The following NEK1 variants were observed in gnomAD, a reference collection of about 807,000 sequenced individuals.
The protein encoded by NEK1 is serine/threonine-protein kinase Nek1.
Under a neutral mutation model 182.1 loss-of-function variants are expected in NEK1, and 137 were observed. The observed-to-expected ratio is 0.75, with a 90% CI of 0.65 to 0.87. The LOEUF (loss-of-function observed/expected upper bound fraction) is 0.87. Among genes scored for constraint, NEK1 ranks in the 40% least tolerant of loss-of-function variants. The pLI is 0.00. For missense variants in NEK1, 1,391 were observed against 1,494.4 expected, an observed-to-expected ratio of 0.93 and a Z score of 1.14; for synonymous variants, 513 against 492.2, an observed-to-expected ratio of 1.04 and a Z score of -0.56.
intron 2 of NEK1, among the ~76,000 whole-genome samples, chr4:169,609,248 T>C (rs1296157312): frequency 1.3e-5 from 2 of 152,046 alleles, no homozygotes; most frequent in African/African-American, 4.8e-5. Flanking sequence ...AACAATATGG[T>C]GGGACTATAA....
intron 19 of NEK1, among the ~76,000 whole-genome samples, chr4:169,530,579 A>G (rs1014903527): frequency 6.6e-6 from 1 of 152,114 alleles, no homozygotes; most frequent in Non-Finnish European, 1.5e-5. Context: ...TACATTTTTG[A>G]CTAAATATTT....
intron 2 of NEK1, among the ~76,000 whole-genome samples, chr4:169,609,217 T>C (rs1771906871): frequency 6.6e-6 from 1 of 152,182 alleles, no homozygotes; most frequent in Non-Finnish European, 1.5e-5. Flanking sequence ...TATTGTACTG[T>C]ACTGTGGGGG....
intron 27 of NEK1, among the ~76,000 whole-genome samples, chr4:169,448,261 T>C (rs997852618): frequency 4.6e-5 from 7 of 151,982 alleles, no homozygotes; most frequent in African/African-American, 1.7e-4. Context: ...TGAGAGACAA[T>C]ACAGTAAGAT....
At chr4:169,491,162 A>AAAGAG (rs1554047307) in intron 23 of NEK1, among the ~76,000 whole-genome samples, 1,487 of 122,868 alleles carry the variant, frequency 0.012, 108 homozygotes, top group African/African-American at 0.03. Context: ...AAAAAAAAAA[A>AAAGAG]AGAGAGATGG....
intron 24 of NEK1, 35 bp from the exon 25 acceptor site, chr4:169,477,532 T>C (rs1747193433): frequency 2.1e-6 from 3 of 1,448,596 alleles, no homozygotes; most frequent in African/African-American, 1.4e-5. Context: ...GAAGAGATAA[T>C]TTTATTTTTT....
Position 169,438,245 on chromosome 4 carries a change from C to A in NEK1, c.2602G>T (p.Gly868Trp). 6.5e-7 allele frequency: 1 copy of A among 1,538,732 alleles called. No homozygotes were observed. The highest frequency in any genetic ancestry group is 8.8e-7 in the Non-Finnish European group (1 of 1,140,884). The change falls in exon 28 of 36, where the codon GGG (glycine) becomes TGG (tryptophan). Residue 868 changes from glycine to tryptophan, a missense_variant. Coordinates refer to ENST00000507142, the MANE Select transcript of NEK1 (RefSeq NM_001199397.3). ...TTIRSEISPEGEKYKPLITGE... is the reference protein window; with the variant it reads ...TTIRSEISPEWEKYKPLITGE... ...GTAATTAAGGGTTTGTACTTTTCCC[C>A]TTCGGGAGAAATCTCTGTGAAAACA...
rs560779616 is a variant in NEK1, at chr4:169,585,576, T to C, written c.607-27A>G. 3.1e-4 allele frequency: 440 copies of C among 1,436,876 alleles called. 6 individuals are homozygous for C. The South Asian group carries it at 4.7e-3, about 15-fold the overall frequency. 89.0% of individuals were successfully genotyped at this position (1,436,876 alleles called of 1,614,324 possible). Reference sequence around the variant, plus strand: ...TAAATTCCAGAAAATAAATAACATATAGGAAACATATATAAATTGAAACTG... The same window carrying C: ...TAAATTCCAGAAAATAAATAACATACAGGAAACATATATAAATTGAAACTG... On this transcript the variant is annotated intron_variant, in intron 9 of 35. Transcript: ENST00000507142.
chr4:169,437,292 C>T (rs1738590570), intron 28 of NEK1, among the ~76,000 whole-genome samples: 1 of 152,042 alleles, frequency 6.6e-6, no homozygotes, highest in African/African-American at 2.4e-5. Flanking sequence ...ATGAGAAAAC[C>T]CATCTGCACG....
rs907075428 is a variant in NEK1 at position 169,612,337 on chromosome 4, T to C, written c.-288A>G. 12 of 152,260 alleles carry C rather than the reference T, an allele frequency of 7.9e-5. No individual in the cohort carries two copies. Among genetic ancestry groups the C allele is most frequent in the African/African-American group, 2.9e-4 (12 of 41,448 alleles). 9.4% of individuals were successfully genotyped at this position (152,260 alleles called of 1,614,324 possible). On this transcript the variant is annotated 5_prime_UTR_variant, in exon 1 of 36. Transcript: ENST00000507142. The stretch of plus-strand genomic sequence containing the variant: ...CAAACAAACTGGTTTCTGAGCCCCG[T>C]AGAAACGGCGGGGTGCAGCAGGGGG...
chr4:169,448,438 C>T (rs1304594645), intron 27 of NEK1, among the ~76,000 whole-genome samples: 1 of 151,780 alleles, frequency 6.6e-6, no homozygotes, highest in Non-Finnish European at 1.5e-5. Context: ...AATAAAAAAT[C>T]ATACAACAGA....
intron 10 of NEK1, among the ~76,000 whole-genome samples, chr4:169,582,200 TC>T (rs1461568169): frequency 6.6e-6 from 1 of 152,046 alleles, no homozygotes. Flanking sequence ...GAGAGAATCT[TC>T]CTATATTAAC....
At chr4:169,433,475 T>C (rs780857743) in intron 29 of NEK1, 70 bp downstream of exon 29, 4 of 1,411,912 alleles carry the variant, frequency 2.8e-6, no homozygotes, top group Non-Finnish European at 3.9e-6. Context: ...ATTAGCTTAT[T>C]ATAGTATTTT....
chr4:169,513,560 C>A (rs1754548971), intron 19 of NEK1, among the ~76,000 whole-genome samples: 2 of 151,994 alleles, frequency 1.3e-5, no homozygotes, highest in Admixed American at 1.3e-4. Context: ...TCTGTATGCC[C>A]CTTCTTGCTT....
intron 23 of NEK1, among the ~76,000 whole-genome samples, chr4:169,500,168 C>T (rs552841934): frequency 4.8e-4 from 73 of 152,178 alleles, no homozygotes; most frequent in African/African-American, 1.4e-3. Flanking sequence ...TAGCAATGAG[C>T]GAGGCTCCGT....
chr4:169,561,825 A>C lies in NEK1; in HGVS notation c.1140+7T>G. On this transcript the variant is annotated splice_region_variant and intron_variant, in intron 14 of 35. Transcript: ENST00000507142. The stretch of plus-strand genomic sequence containing the variant: ...CCAAAGGTAGAAAAACAAGAGCAAA[A>C]AACTACCTGATCCTTTTGTTTCTTT... 6.2e-7 allele frequency: 1 copy of C among 1,610,100 alleles called. No homozygotes were observed. The highest frequency in any genetic ancestry group is 1.1e-5 in the South Asian group (1 of 89,712).
chr4:169,472,208 G>A (rs1055726595), intron 26 of NEK1, among the ~76,000 whole-genome samples: 4 of 152,080 alleles, frequency 2.6e-5, no homozygotes, highest in African/African-American at 9.7e-5. Flanking sequence ...CAGCCAGCTC[G>A]GTGTCTCCCC....
At position 169,496,585 on chromosome 4, in the gene NEK1, C is replaced by T. The variant is rs544471926; in HGVS notation, c.2007+10452G>A. Among the ~76,000 whole-genome samples, 4 of 150,662 alleles carry T rather than the reference C, an allele frequency of 2.7e-5. No homozygotes were observed. In the East Asian group the frequency reaches 7.7e-4, roughly 29 times the overall value. On this transcript the variant is annotated intron_variant, in intron 23 of 35. Coordinates refer to ENST00000507142, the MANE Select transcript of NEK1 (RefSeq NM_001199397.3). ...TATTTTGAGATACGTCCCATCAATA[C>T]ATAATTTATTGAGAGTTTTTAGCAT...
intron 12 of NEK1, among the ~76,000 whole-genome samples, chr4:169,570,872 A>C (rs547362631): frequency 6.6e-6 from 1 of 152,276 alleles, no homozygotes; most frequent in African/African-American, 2.4e-5. Flanking sequence ...TTGATCTGTG[A>C]CCTTACCCCC....
At chr4:169,455,044 G>A (rs1229457923) in intron 27 of NEK1, among the ~76,000 whole-genome samples, 1 of 152,140 alleles carries the variant, frequency 6.6e-6, no homozygotes, top group African/African-American at 2.4e-5. Context: ...GGATGAAGCT[G>A]GAAACCATCA....
Sources: allele counts gnomAD v4.1 joint callset (sites outside exome capture counted in the v4.1 genomes callset), GRCh38; gene constraint gnomAD v4.1.1; transcripts MANE v1.5; gene names NCBI Gene and HGNC (gene_info 2026-07-23, HGNC 2026-07-21).